PAX2: variants seen among roughly 807,000 people sequenced by gnomAD.
The protein encoded by PAX2 is paired box protein Pax-2.
Under a neutral mutation model 41.7 loss-of-function variants are expected in PAX2, and 9 were observed. The observed-to-expected ratio is 0.22, with a 90% confidence interval of 0.13 to 0.38. The LOEUF is 0.38. PAX2 is among the 10% of genes least tolerant of loss of function. The pLI, the probability that PAX2 is intolerant of heterozygous loss-of-function variation, is 1.00. For missense variants in PAX2, 418 were observed against 531.6 expected (o/e 0.79, Z 2.10); for synonymous variants, 221 against 212.7 (o/e 1.04, Z -0.34).
intron 5 of PAX2, among the ~76,000 whole-genome samples, chr10:100,805,001 C>CTCTCTCTCTCTCTCTCTCTCCT (rs1218036207): frequency 1.6e-5 from 1 of 64,340 alleles, no homozygotes; most frequent in African/African-American, 1.0e-4. Context: ...CTCTCTCCTT[C>CTCTCTCTCTCTCTCTCTCTCCT]TCTCTCTCTC....
At chr10:100,746,452 C>T in intron 1 of PAX2, 149 bp downstream of exon 1, 1 of 728,234 alleles carries the variant, frequency 1.4e-6, no homozygotes, top group South Asian at 1.5e-5. Flanking sequence ...TTCTCTCCCT[C>T]GCCCGGTGTT....
At chr10:100,739,252 G>T (rs535094427) in intron 1 of PAX2, among the ~76,000 whole-genome samples, 1 of 152,098 alleles carries the variant, frequency 6.6e-6, no homozygotes, top group Admixed American at 6.5e-5. Flanking sequence ...CTCGCCCCTG[G>T]TCCCCTCTCC....
At position 100,826,261 on chromosome 10, in the gene PAX2, C is replaced by T. The variant is rs1047943332; in HGVS notation, c.1022-748C>T. Among the ~76,000 whole-genome samples the T allele has an allele frequency of 8.6e-5, 13 of 151,228 alleles. No individual in the cohort carries two copies. Among genetic ancestry groups the T allele is most frequent in the Non-Finnish European group, 1.9e-4 (13 of 67,750 alleles). On this transcript the variant is annotated intron_variant, in intron 8 of 9. Coordinates refer to ENST00000355243, the MANE Select transcript of PAX2 (RefSeq NM_000278.5). The surrounding 1 kb of genome is among the most constrained non-coding windows in gnomAD (Gnocchi z 5.5). ...GGGGCCCCTTCTCCTCTACTTAACC[C>T]GCGGTTAGGGATCACTGTAAACAGT...
In PAX2 at chr10:100,829,127, T is replaced by C. The variant is rs1257664622; in HGVS notation, c.*1508T>C. ...AATTACGAAAGAAAAGAAATCTCTATGCAAAATGACGAACATGGTCCTGTG... is the reference window on the plus strand; with the variant it reads ...AATTACGAAAGAAAAGAAATCTCTACGCAAAATGACGAACATGGTCCTGTG... On this transcript the variant is annotated 3_prime_UTR_variant, in exon 10 of 10. Transcript: ENST00000355243. 3 of 231,410 alleles carry C rather than the reference T, an allele frequency of 1.3e-5. No homozygotes were observed. Among genetic ancestry groups the C allele is most frequent in the East Asian group, 6.1e-5 (1 of 16,426 alleles). The allele number at this position is 231,410 out of a possible 1,614,324, so 14.3% of individuals were successfully genotyped here.
At chr10:100,758,361 C>T (rs182379271) in intron 3 of PAX2, among the ~76,000 whole-genome samples, 1,901 of 152,088 alleles carry the variant, frequency 0.012, 47 homozygotes, top group African/African-American at 0.043. Flanking sequence ...GGGATGGTCT[C>T]GATCTCCTGA....
chr10:100,773,862 T>G (rs1244646413), intron 3 of PAX2, among the ~76,000 whole-genome samples: 1 of 152,202 alleles, frequency 6.6e-6, no homozygotes, highest in Non-Finnish European at 1.5e-5. Flanking sequence ...ATTGCTTTCC[T>G]GTCACAAATA....
rs117683187 is a variant in PAX2, at chr10:100,752,657, G to A, written c.410+1766G>A. On this transcript the variant is annotated intron_variant, in intron 3 of 9. Coordinates refer to ENST00000355243, the MANE Select transcript of PAX2 (RefSeq NM_000278.5). ...TTGTTGTCAGTAACAGAATTTTCAA[G>A]CCTTTGGAGAAACCCAAGTCATGTA... Among the ~76,000 whole-genome samples the A allele has an allele frequency of 2.5e-3, 380 of 152,306 alleles. 2 individuals are homozygous for A. Among genetic ancestry groups the A allele is most frequent in the Non-Finnish European group, 4.2e-3 (288 of 68,028 alleles).
In PAX2 at chr10:100,748,459, G is replaced by C. The variant is rs974235796; in HGVS notation, c.44-1287G>C. On this transcript the variant is annotated intron_variant, in intron 1 of 9. Transcript: ENST00000355243. This position sits in a 1 kb window ranked among gnomAD's most constrained non-coding sequence, Gnocchi z 5.0. Reference sequence around the variant, plus strand: ...AAAGGGAGGGGAGAGAAATGAGGGGGGCACAGATGTCCCCGCTTTCTCCGA... The same window carrying C: ...AAAGGGAGGGGAGAGAAATGAGGGGCGCACAGATGTCCCCGCTTTCTCCGA... 1.5e-5 allele frequency: 15 copies of C among 985,104 alleles called. No individual in the cohort carries two copies. The highest frequency in any genetic ancestry group is 4.7e-5 in the South Asian group (1 of 21,256). 61.0% of individuals were successfully genotyped at this position (985,104 alleles called of 1,614,324 possible). A position where few individuals can be genotyped will look rare whatever the true frequency, so the allele number is the denominator to read the frequency against.
intron 1 of PAX2, chr10:100,747,012 C>G (rs1845206504): frequency 6.6e-6 from 1 of 152,334 alleles, no homozygotes; most frequent in South Asian, 2.1e-4. Context: ...TTGGGAATCC[C>G]AGGTTGTCAA....
chr10:100,825,618 G>A (rs923366820), intron 8 of PAX2, among the ~76,000 whole-genome samples: 12 of 152,194 alleles, frequency 7.9e-5, no homozygotes, highest in African/African-American at 1.9e-4. Context: ...CCCTCTGGCC[G>A]CCCTCTATGT....
At chr10:100,757,555 A>G (rs1200043556) in intron 3 of PAX2, among the ~76,000 whole-genome samples, 1 of 152,170 alleles carries the variant, frequency 6.6e-6, no homozygotes, top group Non-Finnish European at 1.5e-5. Flanking sequence ...TTAGTTAGGG[A>G]CCAATTGCAT....
intron 5 of PAX2, among the ~76,000 whole-genome samples, chr10:100,796,073 C>G (rs1057453547): frequency 1.3e-5 from 2 of 152,124 alleles, no homozygotes; most frequent in African/African-American, 4.8e-5. Context: ...TGGTTATGGT[C>G]CCCGCTTCCA....
At chr10:100,753,191 G>A (rs554504458) in intron 3 of PAX2, among the ~76,000 whole-genome samples, 76 of 152,296 alleles carry the variant, frequency 5.0e-4, no homozygotes, top group African/African-American at 1.8e-3. Flanking sequence ...CTTCATGGCT[G>A]GCTTTGTCTA....
intron 3 of PAX2, among the ~76,000 whole-genome samples, chr10:100,758,203 C>A (rs559905535): frequency 6.7e-6 from 1 of 149,388 alleles, no homozygotes; most frequent in African/African-American, 2.5e-5. Flanking sequence ...TGCAATGGCA[C>A]GATCTCAGCT....
At chr10:100,794,110 T>C (rs967612484) in intron 5 of PAX2, among the ~76,000 whole-genome samples, 2 of 152,162 alleles carry the variant, frequency 1.3e-5, no homozygotes, top group Non-Finnish European at 2.9e-5. Flanking sequence ...TTAAGGGTCA[T>C]CCTGTCTTAT....
At chr10:100,775,701 C>A (rs7918029) in intron 3 of PAX2, among the ~76,000 whole-genome samples, 45,056 of 152,060 alleles carry the variant, frequency 0.3, 8,632 homozygotes, top group African/African-American at 0.54. Context: ...AGCCCATCAG[C>A]CCTCAAGCCA....
chr10:100,775,694 C>G (rs1370491298), intron 3 of PAX2, among the ~76,000 whole-genome samples: 1 of 152,192 alleles, frequency 6.6e-6, no homozygotes, highest in Non-Finnish European at 1.5e-5. Flanking sequence ...AGTCAAGAGC[C>G]CATCAGCCCT....
intron 4 of PAX2, among the ~76,000 whole-genome samples, chr10:100,779,944 C>T (rs1178877785): frequency 6.6e-6 from 1 of 152,070 alleles, no homozygotes; most frequent in Admixed American, 6.5e-5. Flanking sequence ...TTATCTGATT[C>T]TGTCTCCCTA....
intron 5 of PAX2, among the ~76,000 whole-genome samples, chr10:100,782,349 C>T (rs1846667574): frequency 6.6e-6 from 1 of 152,250 alleles, no homozygotes; most frequent in Non-Finnish European, 1.5e-5. Context: ...GCATCTTGGC[C>T]AGTCAGCATC....
Sources: allele counts gnomAD v4.1 joint callset (sites outside exome capture counted in the v4.1 genomes callset), GRCh38; gene constraint gnomAD v4.1.1; non-coding constraint Gnocchi (gnomAD v3.1); transcripts MANE v1.5; gene names NCBI Gene and HGNC (gene_info 2026-07-23, HGNC 2026-07-21).